The following LRRC37A2 variants were observed in gnomAD, a reference collection of about 807,000 sequenced individuals.
LRRC37A2 encodes the protein leucine-rich repeat-containing protein 37A2.
In LRRC37A2, 9 loss-of-function variants were observed where a neutral mutation model predicts 68.8. The ratio of observed to expected loss-of-function variants is 0.13; its 90% CI spans 0.08 to 0.23. The LOEUF is 0.23. Among genes scored for constraint, LRRC37A2 ranks in the 10% least tolerant of loss-of-function variants. The pLI, the probability that LRRC37A2 is intolerant of heterozygous loss-of-function variation, is 1.00. For synonymous variants in LRRC37A2, 63 were observed against 367.6 expected, an observed-to-expected ratio of 0.17 and a Z score of 9.48; for missense variants, 168 against 950.4, an observed-to-expected ratio of 0.18 and a Z score of 10.82.
the LRRC37A2 span, among the ~76,000 whole-genome samples, chr17:46,761,542 C>G: frequency 6.6e-6 from 1 of 151,868 alleles, no homozygotes; most frequent in African/African-American, 2.4e-5. Context: ...ACCATGTTGG[C>G]CAAGCTGGTC....
the LRRC37A2 span, chr17:46,979,114 G>A: frequency 3.5e-6 from 4 of 1,134,508 alleles, no homozygotes; most frequent in South Asian, 1.1e-4. Context: ...CGGCTCCTGC[G>A]GTACGGGGAG....
the LRRC37A2 span, among the ~76,000 whole-genome samples, chr17:46,811,354 A>C: frequency 1.3e-5 from 2 of 152,116 alleles, no homozygotes; most frequent in African/African-American, 4.8e-5. Context: ...AATGGCGCGG[A>C]AGTGATTGTA....
At chr17:46,713,526 A>G in the LRRC37A2 span, among the ~76,000 whole-genome samples, 1 of 152,222 alleles carries the variant, frequency 6.6e-6, no homozygotes, top group East Asian at 1.9e-4. Flanking sequence ...AACTAACAAC[A>G]TAAGTACTAA....
At chr17:46,615,674 G>A in the LRRC37A2 span, among the ~76,000 whole-genome samples, 1 of 36,202 alleles carries the variant, frequency 2.8e-5, no homozygotes, top group Non-Finnish European at 4.9e-5. Context: ...CTGAGATGGC[G>A]CCACTGCACT....
the LRRC37A2 span, chr17:46,936,197 T>C: frequency 1.0e-6 from 1 of 985,390 alleles, no homozygotes; most frequent in African/African-American, 1.7e-5. Flanking sequence ...TGACCTGAAC[T>C]GATACATGTT....
At chr17:46,822,156 G>A in the LRRC37A2 span, among the ~76,000 whole-genome samples, 5 of 152,212 alleles carry the variant, frequency 3.3e-5, no homozygotes, top group African/African-American at 1.2e-4. Flanking sequence ...GAGCACATAG[G>A]GGGCTCCAAG....
chr17:46,473,821 G>C, the LRRC37A2 span, among the ~76,000 whole-genome samples: 2 of 86,690 alleles, frequency 2.3e-5, no homozygotes, highest in Admixed American at 2.2e-4. Context: ...ACTTGAACCC[G>C]GGAGGCAGAG....
chr17:46,832,288 C>T, the LRRC37A2 span, among the ~76,000 whole-genome samples: 6 of 152,034 alleles, frequency 3.9e-5, no homozygotes, highest in Non-Finnish European at 7.4e-5. Flanking sequence ...CACCCCGGGC[C>T]GGCTGAGCTG....
the LRRC37A2 span, among the ~76,000 whole-genome samples, chr17:46,787,718 C>T: frequency 6.6e-6 from 1 of 152,212 alleles, no homozygotes; most frequent in African/African-American, 2.4e-5. Flanking sequence ...CTTTGGGAGG[C>T]CAAGGCAGGC....
chr17:47,018,341 A>G, the LRRC37A2 span: 1 of 1,611,512 alleles, frequency 6.2e-7, no homozygotes, highest in Non-Finnish European at 8.5e-7. Flanking sequence ...AGGAGACCCC[A>G]GGTCAGCCTC....
chr17:46,634,924 CTTTG>C, the LRRC37A2 span, among the ~76,000 whole-genome samples: 1 of 53,314 alleles, frequency 1.9e-5, no homozygotes, highest in African/African-American at 1.0e-4. Context: ...AAGAAAACAG[CTTTG>C]TTTGTAAACC....
chr17:46,785,939 G>A, the LRRC37A2 span, among the ~76,000 whole-genome samples: 4 of 152,226 alleles, frequency 2.6e-5, no homozygotes, highest in African/African-American at 4.8e-5. Flanking sequence ...GCCTGCCTGC[G>A]GCTCTGGCTG....
At chr17:46,791,825 A>C in the LRRC37A2 span, among the ~76,000 whole-genome samples, 1 of 152,228 alleles carries the variant, frequency 6.6e-6, no homozygotes, top group Non-Finnish European at 1.5e-5. Context: ...GGATCACCTG[A>C]GGCCAGGAAT....
chr17:46,381,089 CAAAAAAAAAA>C, the LRRC37A2 span, among the ~76,000 whole-genome samples: 1 of 804 alleles, frequency 1.2e-3, no homozygotes, highest in African/African-American at 1.3e-3. Flanking sequence ...GACTCCGTCT[CAAAAAAAAAA>C]AAAAAAAAAA....
chr17:46,923,240 G>A, the LRRC37A2 span: 1 of 1,551,034 alleles, frequency 6.4e-7, no homozygotes, highest in East Asian at 2.4e-5. Flanking sequence ...CGGTCGGGGA[G>A]CGGGCAGGGG....
the LRRC37A2 span, among the ~76,000 whole-genome samples, chr17:46,896,432 A>AAGAT: frequency 5.6e-5 from 5 of 89,666 alleles, no homozygotes; most frequent in Non-Finnish European, 6.0e-5. Context: ...GAAAGAAAGA[A>AAGAT]AGAAAGAAAG....
the LRRC37A2 span, among the ~76,000 whole-genome samples, chr17:46,856,632 C>T: frequency 6.6e-5 from 10 of 151,662 alleles, no homozygotes; most frequent in Admixed American, 1.3e-4. Context: ...GACAAGTGTG[C>T]GCCACCATGC....
the LRRC37A2 span, among the ~76,000 whole-genome samples, chr17:46,944,463 C>A: frequency 6.6e-6 from 1 of 152,140 alleles, no homozygotes; most frequent in Admixed American, 6.5e-5. Flanking sequence ...TTGGCAGATT[C>A]CAGAGGTCTG....
the LRRC37A2 span, among the ~76,000 whole-genome samples, chr17:46,786,095 G>A: frequency 3.4e-5 from 4 of 116,620 alleles, no homozygotes; most frequent in African/African-American, 1.4e-4. Flanking sequence ...GGAAAGTGAA[G>A]TTGATAAGCC....
Sources: gnomAD v4.1 joint callset for allele counts (sites outside exome capture counted in the v4.1 genomes callset) on GRCh38, gnomAD v4.1.1 for gene constraint, MANE v1.5 for transcripts, NCBI Gene and HGNC (gene_info 2026-07-23, HGNC 2026-07-21) for gene names.